DSCAM: variants seen among roughly 807,000 people sequenced by gnomAD.
DSCAM encodes DS cell adhesion molecule, also known as cell adhesion molecule DSCAM.
A neutral mutation model predicts 217.7 loss-of-function variants in DSCAM; 47 were observed. The ratio of observed to expected loss-of-function variants is 0.22; its 90% CI spans 0.17 to 0.28. The LOEUF is 0.28. Ranked by LOEUF, DSCAM falls within the 10% of genes least tolerant of loss-of-function variation. DSCAM has a pLI of 1.00. For missense variants in DSCAM, 2,080 were observed against 2,618.3 expected (o/e 0.79, Z 4.49); for synonymous variants, 1,056 against 1,015.3 (o/e 1.04, Z -0.76).
At chr21:40,029,748 C>T in intron 32 of DSCAM, among the ~76,000 whole-genome samples, 1 of 152,122 alleles carries the variant, frequency 6.6e-6, no homozygotes, top group East Asian at 1.9e-4. Context: ...CATGTTGGCT[C>T]TGAAATCAAA....
chr21:40,018,626 A>G (rs1335787378), intron 32 of DSCAM, among the ~76,000 whole-genome samples: 1 of 152,238 alleles, frequency 6.6e-6, no homozygotes, highest in Non-Finnish European at 1.5e-5. Context: ...GCTGGACTGC[A>G]GAATGCGCAG....
intron 3 of DSCAM, among the ~76,000 whole-genome samples, chr21:40,575,097 C>CTT (rs2076838491): frequency 6.7e-6 from 1 of 148,656 alleles, no homozygotes; most frequent in African/African-American, 2.6e-5. Flanking sequence ...TGACATTCCA[C>CTT]CACAAAAGAA....
At chr21:40,627,854 C>G (rs1431321172) in intron 3 of DSCAM, among the ~76,000 whole-genome samples, 1 of 152,154 alleles carries the variant, frequency 6.6e-6, no homozygotes, top group African/African-American at 2.4e-5. Flanking sequence ...TGTTTCCCAC[C>G]ACCTAAGCAT....
At chr21:40,425,478 A>C (rs538148903) in intron 3 of DSCAM, among the ~76,000 whole-genome samples, 8 of 152,042 alleles carry the variant, frequency 5.3e-5, no homozygotes, top group Admixed American at 1.3e-4. Context: ...CGTTGTGTAC[A>C]TGTACCTTAG....
intron 11 of DSCAM, among the ~76,000 whole-genome samples, chr21:40,240,125 A>G (rs2073129365): frequency 6.6e-6 from 1 of 152,192 alleles, no homozygotes. Flanking sequence ...GCCCCCTGCA[A>G]TGCAGATGCG....
At chr21:40,224,054 T>C (rs763278155) in intron 11 of DSCAM, among the ~76,000 whole-genome samples, 1 of 152,248 alleles carries the variant, frequency 6.6e-6, no homozygotes, top group Non-Finnish European at 1.5e-5. Flanking sequence ...ACCCACAGTG[T>C]CATAACAATG....
At chr21:40,677,644 T>C (rs2090355817) in intron 3 of DSCAM, among the ~76,000 whole-genome samples, 1 of 152,160 alleles carries the variant, frequency 6.6e-6, no homozygotes, top group Non-Finnish European at 1.5e-5. Context: ...CCAAAATTCA[T>C]ATGTTGAAAC....
At chr21:40,651,969 C>A (rs999328491) in intron 3 of DSCAM, among the ~76,000 whole-genome samples, 1 of 152,162 alleles carries the variant, frequency 6.6e-6, no homozygotes, top group African/African-American at 2.4e-5. Context: ...ACCTTTTTCT[C>A]TGCTGGCCCC....
In DSCAM at chr21:40,450,301, C is replaced by T. The variant is rs187346291; in HGVS notation, c.509-81056G>A. Among the ~76,000 whole-genome samples the T allele has an allele frequency of 3.2e-3, 485 of 152,296 alleles. 1 individual carries two copies. Among genetic ancestry groups the T allele is most frequent in the African/African-American group, 0.01 (435 of 41,554 alleles). ...ACTTTTAGTTTGCTGAAGAGGCCGT[C>T]AAGTACAGATTTTTAAAATGTTCTA... On this transcript the variant is annotated intron_variant, in intron 3 of 32. Transcript: ENST00000400454.
intron 11 of DSCAM, among the ~76,000 whole-genome samples, chr21:40,271,240 G>T (rs1024940917): frequency 9.2e-5 from 14 of 152,144 alleles, no homozygotes; most frequent in Non-Finnish European, 1.6e-4. Context: ...TAGAGCCCAC[G>T]GGCTAACTTT....
At chr21:40,666,293 T>C (rs1462741568) in intron 3 of DSCAM, among the ~76,000 whole-genome samples, 1 of 152,186 alleles carries the variant, frequency 6.6e-6, no homozygotes, top group Non-Finnish European at 1.5e-5. Context: ...GTGTTTTCTA[T>C]GCAGTACCTC....
chr21:40,226,814 C>A (rs571228108), intron 11 of DSCAM, among the ~76,000 whole-genome samples: 1 of 152,028 alleles, frequency 6.6e-6, no homozygotes, highest in Non-Finnish European at 1.5e-5. Flanking sequence ...ACTTGTGTCA[C>A]GGGGGTTTGT....
chr21:40,645,557 TAAGTAGTATGAGAAG>T (rs992493152), intron 3 of DSCAM, among the ~76,000 whole-genome samples: 2 of 152,142 alleles, frequency 1.3e-5, no homozygotes, highest in African/African-American at 4.8e-5. Context: ...CTTATAACTA[TAAGTAGTATGAGAAG>T]AATAGGTAGG....
At chr21:40,760,308 G>A (rs560666845) in intron 1 of DSCAM, among the ~76,000 whole-genome samples, 9 of 152,146 alleles carry the variant, frequency 5.9e-5, no homozygotes, top group East Asian at 3.9e-4. Flanking sequence ...GAGCCACTAC[G>A]CCCAGCCACA....
At chr21:40,167,402 AAAG>A (rs2090609293) in intron 15 of DSCAM, 114 bp from the exon 16 acceptor site, 1 of 889,134 alleles carries the variant, frequency 1.1e-6, no homozygotes, top group Admixed American at 2.3e-5. Flanking sequence ...TGGCACAGAG[AAAG>A]AAGTTTTTAG....
intron 27 of DSCAM, among the ~76,000 whole-genome samples, chr21:40,071,849 C>T (rs757632258): frequency 6.6e-6 from 1 of 152,212 alleles, no homozygotes; most frequent in Non-Finnish European, 1.5e-5. Context: ...GGCACCTATT[C>T]CTTTAAACTC....
intron 1 of DSCAM, among the ~76,000 whole-genome samples, chr21:40,822,760 C>CAGA (rs2091939500): frequency 6.6e-6 from 1 of 152,158 alleles, no homozygotes; most frequent in Non-Finnish European, 1.5e-5. Flanking sequence ...TATGTAAACC[C>CAGA]TACTTCTCTT....
chr21:40,073,663 C>T (rs1457951380), intron 27 of DSCAM, among the ~76,000 whole-genome samples: 2 of 152,132 alleles, frequency 1.3e-5, no homozygotes, highest in Middle Eastern at 3.2e-3. Flanking sequence ...TTCACTGATG[C>T]GGTCTTTCTT....
At chr21:40,311,194 G>C (rs2074133452) in intron 9 of DSCAM, among the ~76,000 whole-genome samples, 1 of 152,054 alleles carries the variant, frequency 6.6e-6, no homozygotes, top group South Asian at 2.1e-4. Context: ...CCACAATCTG[G>C]GGAATTTTAA....
Sources: allele counts gnomAD v4.1 joint callset (sites outside exome capture counted in the v4.1 genomes callset), GRCh38; gene constraint gnomAD v4.1.1; transcripts MANE v1.5; gene names NCBI Gene and HGNC (gene_info 2026-07-23, HGNC 2026-07-21).